SEL1L3: variants seen among roughly 807,000 people sequenced by gnomAD.
SEL1L3 encodes SEL1L family member 3, also known as protein sel-1 homolog 3.
SEL1L3 carries 76 observed loss-of-function variants against 142.8 expected under a neutral mutation model. The ratio of observed to expected loss-of-function variants is 0.53; its 90% CI spans 0.44 to 0.64. SEL1L3 has a LOEUF of 0.64. Ranked by LOEUF, SEL1L3 falls within the 30% of genes least tolerant of loss-of-function variation. SEL1L3 has a pLI of 0.00. For synonymous variants in SEL1L3, 504 were observed against 519.6 expected (o/e 0.97, Z 0.41); for missense variants, 1,262 against 1,381.7 (o/e 0.91, Z 1.37).
intron 17 of SEL1L3, chr4:25,770,621 T>A (rs760789991): frequency 6.6e-6 from 1 of 151,082 alleles, no homozygotes; most frequent in African/African-American, 2.4e-5. Flanking sequence ...GCGCCTGTAA[T>A]CCCAGCTACT....
chr4:25,820,696 A>C (rs1714696101), intron 7 of SEL1L3, among the ~76,000 whole-genome samples: 1 of 152,196 alleles, frequency 6.6e-6, no homozygotes, highest in African/African-American at 2.4e-5. Flanking sequence ...TTCTTAGAAT[A>C]ATTTTGTTTC....
At chr4:25,822,187 C>T in intron 6 of SEL1L3, 59 bp from the exon 7 acceptor site, 1 of 1,603,056 alleles carries the variant, frequency 6.2e-7, no homozygotes, top group South Asian at 1.1e-5. Flanking sequence ...GATTTAAAAA[C>T]AGTCTCTTTC....
At chr4:25,715,125 C>T in the SEL1L3 span, among the ~76,000 whole-genome samples, 5 of 152,082 alleles carry the variant, frequency 3.3e-5, no homozygotes, top group Admixed American at 1.3e-4. Context: ...GAAAAGTATA[C>T]ATAAGTGGTC....
At chr4:25,845,000 A>T (rs1345581110) in intron 2 of SEL1L3, among the ~76,000 whole-genome samples, 1 of 152,164 alleles carries the variant, frequency 6.6e-6, no homozygotes, top group Non-Finnish European at 1.5e-5. Flanking sequence ...CCAGACAGAC[A>T]GGGTTATTAA....
At position 25,779,207 on chromosome 4, in the gene SEL1L3, T is replaced by G. The variant is rs1719838697; in HGVS notation, c.2458-4A>C. 6.2e-7 allele frequency: 1 copy of G among 1,612,606 alleles called. No individual in the cohort carries two copies. Among genetic ancestry groups the G allele is most frequent in the African/African-American group, 1.3e-5 (1 of 74,880 alleles). ...GGAAATATTCACCAGCTAAAGTCTG[T>G]AACAAGAGATGAACAAACATCGAGT... On this transcript the variant is annotated splice_region_variant and splice_polypyrimidine_tract_variant and intron_variant, in intron 15 of 23. Transcript: ENST00000399878.
chr4:25,797,214 T>C (rs1161825488), intron 11 of SEL1L3, among the ~76,000 whole-genome samples: 1 of 148,446 alleles, frequency 6.7e-6, no homozygotes, highest in Non-Finnish European at 1.5e-5. Flanking sequence ...AACCCTCTAG[T>C]TGTTGCAGCT....
intron 9 of SEL1L3, among the ~76,000 whole-genome samples, chr4:25,814,160 A>G (rs538741731): frequency 4.8e-4 from 73 of 151,100 alleles, no homozygotes; most frequent in African/African-American, 1.7e-3. Flanking sequence ...CCATGGTGTC[A>G]TCTTATTTGT....
the SEL1L3 span, among the ~76,000 whole-genome samples, chr4:25,732,732 T>TTG: frequency 7.3e-5 from 11 of 151,532 alleles, no homozygotes; most frequent in East Asian, 1.9e-4. Context: ...TAAGTGTTCT[T>TTG]TGTGTGTGTG....
chr4:25,773,100 T>C (rs1366937303), intron 17 of SEL1L3, among the ~76,000 whole-genome samples: 2 of 152,126 alleles, frequency 1.3e-5, no homozygotes, highest in Non-Finnish European at 2.9e-5. Flanking sequence ...CCCAGCAAGA[T>C]GTGTGAATCT....
intron 17 of SEL1L3, chr4:25,770,303 T>C (rs1346100630): frequency 6.6e-6 from 1 of 152,192 alleles, no homozygotes; most frequent in Non-Finnish European, 1.5e-5. Flanking sequence ...GAACAAGTTT[T>C]ATAGACTTCT....
chr4:25,827,070 C>A (rs1715143500), intron 6 of SEL1L3, among the ~76,000 whole-genome samples: 1 of 152,206 alleles, frequency 6.6e-6, no homozygotes, highest in Non-Finnish European at 1.5e-5. Flanking sequence ...TCTATGTTTA[C>A]ACTGATTATG....
intron 23 of SEL1L3, among the ~76,000 whole-genome samples, chr4:25,754,435 G>A (rs535523052): frequency 6.7e-5 from 10 of 149,680 alleles, no homozygotes; most frequent in African/African-American, 2.2e-4. Flanking sequence ...TGCAACCTCC[G>A]TCTCCGGGGT....
chr4:25,784,926 T>C (rs1012517610), intron 13 of SEL1L3, among the ~76,000 whole-genome samples: 6 of 152,234 alleles, frequency 3.9e-5, no homozygotes, highest in African/African-American at 1.4e-4. Flanking sequence ...AGAGAAACTC[T>C]GTGGAACACA....
intron 1 of SEL1L3, among the ~76,000 whole-genome samples, chr4:25,859,200 G>A (rs1372668591): frequency 6.6e-6 from 1 of 152,128 alleles, no homozygotes; most frequent in Non-Finnish European, 1.5e-5. Flanking sequence ...TTCTGCGTGG[G>A]GCACAGTACT....
chr4:25,765,008 T>C (rs1718616209), intron 20 of SEL1L3, among the ~76,000 whole-genome samples: 1 of 152,146 alleles, frequency 6.6e-6, no homozygotes, highest in African/African-American at 2.4e-5. Flanking sequence ...GCTGAGTTTT[T>C]TTCTGAGACA....
intron 14 of SEL1L3, among the ~76,000 whole-genome samples, chr4:25,783,538 G>T (rs1449181380): frequency 6.6e-6 from 1 of 151,638 alleles, no homozygotes; most frequent in Non-Finnish European, 1.5e-5. Context: ...GGTAGTTTCT[G>T]CAAATCTATT....
intron 13 of SEL1L3, among the ~76,000 whole-genome samples, chr4:25,784,692 G>T (rs965429330): frequency 6.6e-6 from 1 of 152,210 alleles, no homozygotes; most frequent in Non-Finnish European, 1.5e-5. Context: ...CCAGGTTGTC[G>T]CTTGCAGGCT....
At chr4:25,745,491 T>C (rs552599658), downstream of SEL1L3, among the ~76,000 whole-genome samples, 1 of 152,248 alleles carries the variant, frequency 6.6e-6, no homozygotes, top group South Asian at 2.1e-4. Context: ...GGAGCTGGGA[T>C]GCCCTGCCGT....
chr4:25,791,343 G>A (rs1357251133), intron 11 of SEL1L3, among the ~76,000 whole-genome samples: 2 of 152,202 alleles, frequency 1.3e-5, no homozygotes, highest in Non-Finnish European at 2.9e-5. Context: ...AGAACCCAAA[G>A]GGAAAGTTCA....
Sources: gnomAD v4.1 joint callset for allele counts (sites outside exome capture counted in the v4.1 genomes callset) on GRCh38, gnomAD v4.1.1 for gene constraint, MANE v1.5 for transcripts, NCBI Gene and HGNC (gene_info 2026-07-23, HGNC 2026-07-21) for gene names.